EIF2S1: variants seen among roughly 807,000 people sequenced by gnomAD.
EIF2S1 encodes eukaryotic translation initiation factor 2 subunit 1.
EIF2S1 carries 5 observed loss-of-function variants against 33.5 expected under a neutral mutation model. That is an observed-to-expected ratio of 0.15 (90% CI 0.08 to 0.31). The LOEUF is 0.31. Ranked by LOEUF, EIF2S1 falls within the 10% of genes least tolerant of loss-of-function variation. EIF2S1 has a pLI of 1.00. For synonymous variants in EIF2S1, 99 were observed against 127.5 expected, an observed-to-expected ratio of 0.78 and a Z score of 1.51; for missense variants, 191 against 384.6, an observed-to-expected ratio of 0.50 and a Z score of 4.21.
intron 2 of EIF2S1, among the ~76,000 whole-genome samples, chr14:67,366,580 A>G (rs974546109): frequency 2.0e-5 from 3 of 152,242 alleles, no homozygotes; most frequent in Non-Finnish European, 4.4e-5. Flanking sequence ...AATGCGTGCA[A>G]TGCAATTTTA....
In EIF2S1 at chr14:67,385,932, C is replaced by G. The variant is rs2085920949; in HGVS notation, c.*2492C>G. 1.3e-5 allele frequency: 2 copies of G among 152,072 alleles called. No individual in the cohort carries two copies. Among genetic ancestry groups the G allele is most frequent in the African/African-American group, 4.8e-5 (2 of 41,408 alleles). 9.4% of individuals were successfully genotyped at this position (152,072 alleles called of 1,614,324 possible). On this transcript the variant is annotated 3_prime_UTR_variant, in exon 8 of 8. Coordinates refer to ENST00000256383, the MANE Select transcript of EIF2S1 (RefSeq NM_004094.5). The stretch of plus-strand genomic sequence containing the variant: ...TACTTCAGCCATTCTACTTTTACAC[C>G]AAGAACAAAATGGCTAGAGATTTTT...
intron 4 of EIF2S1, among the ~76,000 whole-genome samples, 195 bp from the exon 5 acceptor site, chr14:67,380,464 A>G (rs1441354247): frequency 6.6e-6 from 1 of 152,150 alleles, no homozygotes; most frequent in African/African-American, 2.4e-5. Context: ...TAAAATTTTG[A>G]TTTCACTAAT....
chr14:67,372,672 A>G (rs1224628249), intron 2 of EIF2S1, among the ~76,000 whole-genome samples: 1 of 152,062 alleles, frequency 6.6e-6, no homozygotes, highest in Admixed American at 6.5e-5. Context: ...CTACTAAAAT[A>G]TAAAAAATTA....
chr14:67,362,927 G>T (rs1013612358), intron 1 of EIF2S1, among the ~76,000 whole-genome samples: 3 of 151,966 alleles, frequency 2.0e-5, no homozygotes, highest in Admixed American at 2.0e-4. Context: ...AAAGAGACTT[G>T]TGCCTCCTGA....
At chr14:67,376,309 G>A in intron 3 of EIF2S1, 130 bp from the exon 4 acceptor site, 2 of 928,168 alleles carry the variant, frequency 2.2e-6, no homozygotes, top group Non-Finnish European at 3.1e-6. Flanking sequence ...CTTAAAGTGA[G>A]TATTTCCCTA....
At chr14:67,370,694 G>A (rs953721365) in intron 2 of EIF2S1, among the ~76,000 whole-genome samples, 1 of 152,128 alleles carries the variant, frequency 6.6e-6, no homozygotes, top group Non-Finnish European at 1.5e-5. Context: ...CTATATGTTA[G>A]AGAAATTGAA....
chr14:67,379,921 CTT>C (rs1051102526), intron 4 of EIF2S1, among the ~76,000 whole-genome samples: 38 of 151,678 alleles, frequency 2.5e-4, no homozygotes, highest in African/African-American at 9.2e-4. Context: ...CCCAAAGTGT[CTT>C]TTTTTCTTTT....
intron 2 of EIF2S1, among the ~76,000 whole-genome samples, chr14:67,367,030 G>A (rs190043697): frequency 3.2e-4 from 48 of 152,122 alleles, no homozygotes; most frequent in Admixed American, 1.6e-3. Context: ...GAAAGGAGGC[G>A]GCAGGCACAA....
chr14:67,385,303 GA>G lies in EIF2S1; in HGVS notation c.*1865del, dbSNP rs1245203589. The G allele has an allele frequency of 6.6e-6, 1 of 152,120 alleles. No homozygotes were observed. Among genetic ancestry groups the G allele is most frequent in the East Asian group, 1.9e-4 (1 of 5,192 alleles). The allele number at this position is 152,120 out of a possible 1,614,324, so 9.4% of individuals were successfully genotyped here. ...AAAGAAGTAAGTTTATCCAAATCTT[GA>G]ATTTCTGCCAGGCATGGTAGCTCAT... On this transcript the variant is annotated 3_prime_UTR_variant, in exon 8 of 8. Transcript: ENST00000256383.
At chr14:67,374,353 A>C in intron 2 of EIF2S1, 115 bp from the exon 3 acceptor site, 1 of 538,706 alleles carries the variant, frequency 1.9e-6, no homozygotes, top group Non-Finnish European at 3.3e-6. Context: ...ATAGGATTTT[A>C]GTAGGAAATA....
In EIF2S1 at chr14:67,386,351, TTTAC is replaced by T. The variant is rs1400099771; in HGVS notation, c.*2915_*2918del. 1 of 152,400 alleles carries T rather than the reference TTTAC, an allele frequency of 6.6e-6. No individual in the cohort carries two copies. Among genetic ancestry groups the T allele is most frequent in the Non-Finnish European group, 1.5e-5 (1 of 68,036 alleles). The allele number at this position is 152,400 out of a possible 1,614,324, so 9.4% of individuals were successfully genotyped here. A position where few individuals can be genotyped will look rare whatever the true frequency, so the allele number is the denominator to read the frequency against. On this transcript the variant is annotated 3_prime_UTR_variant, in exon 8 of 8. Coordinates refer to ENST00000256383, the MANE Select transcript of EIF2S1 (RefSeq NM_004094.5). ...TTCAAACTATTAAAGAGAACAAATT[TTTAC>T]TTAAGCACTTTGAGGTATCCACTCC...
At chr14:67,375,949 T>G (rs1156262271) in intron 3 of EIF2S1, among the ~76,000 whole-genome samples, 2 of 152,196 alleles carry the variant, frequency 1.3e-5, no homozygotes, top group East Asian at 3.8e-4. Context: ...CTCACTCAAT[T>G]TTTATGTGTA....
At chr14:67,365,149 A>G in intron 2 of EIF2S1, 141 bp downstream of exon 2, 1 of 908,368 alleles carries the variant, frequency 1.1e-6, no homozygotes, top group Non-Finnish European at 1.6e-6. Context: ...AAGTTGTTAG[A>G]AAAGGATGCC....
chr14:67,382,012 A>G (rs994358911), intron 6 of EIF2S1, among the ~76,000 whole-genome samples: 1 of 152,082 alleles, frequency 6.6e-6, no homozygotes, highest in Non-Finnish European at 1.5e-5. Flanking sequence ...ACTTTCTTCT[A>G]TCTGTACACA....
chr14:67,373,773 G>A (rs1303612945), intron 2 of EIF2S1, among the ~76,000 whole-genome samples: 2 of 152,008 alleles, frequency 1.3e-5, no homozygotes, highest in African/African-American at 2.4e-5. Flanking sequence ...TCAAGAAGAT[G>A]TTTAAGCACC....
At chr14:67,371,477 C>T (rs932416206) in intron 2 of EIF2S1, among the ~76,000 whole-genome samples, 4 of 151,898 alleles carry the variant, frequency 2.6e-5, no homozygotes, top group Non-Finnish European at 5.9e-5. Context: ...TCATGTGGTG[C>T]TTAATGACAA....
At position 67,383,382 on chromosome 14, in the gene EIF2S1, A is replaced by G; in HGVS notation, c.890A>G (p.Asn297Ser). The G allele has an allele frequency of 6.2e-7, 1 of 1,613,808 alleles. No individual in the cohort carries two copies. The highest frequency in any genetic ancestry group is 8.5e-7 in the Non-Finnish European group (1 of 1,179,766). ...CAGATGGAGAGGCTTGAAAGAGAAA[A>G]TGCCGAAGTGGATGGAGATGATGAT... ...ARQMERLERE[N>S]AEVDGDDDAE... Residue 297 changes from asparagine (N) to serine (S), a missense_variant, in exon 8 of 8, where the codon AAT (asparagine) becomes AGT (serine). Asn to Ser is a conservative substitution (Grantham distance 46, BLOSUM62 1). Transcript: ENST00000256383.
At chr14:67,374,791 A>G in intron 3 of EIF2S1, 1 of 330,506 alleles carries the variant, frequency 3.0e-6, no homozygotes. Flanking sequence ...TTAAATAGAA[A>G]TGAGGTCTTT....
Position 67,385,325 on chromosome 14 carries a change from C to T in EIF2S1, c.*1885C>T, listed in dbSNP as rs1220940988. ...CTTGAATTTCTGCCAGGCATGGTAG[C>T]TCATGCCTGTAACCCTGGCACTTAA... On this transcript the variant is annotated 3_prime_UTR_variant, in exon 8 of 8. Coordinates refer to ENST00000256383, the MANE Select transcript of EIF2S1 (RefSeq NM_004094.5). 1 of 151,988 alleles carries T rather than the reference C, an allele frequency of 6.6e-6. No individual in the cohort carries two copies. Among genetic ancestry groups the T allele is most frequent in the Non-Finnish European group, 1.5e-5 (1 of 68,018 alleles). The allele number at this position is 151,988 out of a possible 1,614,324, so 9.4% of individuals were successfully genotyped here. A position where few individuals can be genotyped will look rare whatever the true frequency, so the allele number is the denominator to read the frequency against.
Sources: allele counts gnomAD v4.1 joint callset (sites outside exome capture counted in the v4.1 genomes callset), GRCh38; gene constraint gnomAD v4.1.1; transcripts MANE v1.5; gene names NCBI Gene and HGNC (gene_info 2026-07-23, HGNC 2026-07-21).